Variants in NAV3 observed in about 807,000 individuals in gnomAD.
The protein encoded by NAV3 is neuron navigator 3, also known as pore membrane and/or filament interacting like protein 1.
In NAV3, 87 loss-of-function variants were observed where a neutral mutation model predicts 244.7. That is an observed-to-expected ratio of 0.36 (90% confidence interval 0.30 to 0.42). The LOEUF (loss-of-function observed/expected upper bound fraction) is 0.42, where lower values mean the gene tolerates loss of function less well. Among genes scored for constraint, NAV3 ranks in the 20% least tolerant of loss-of-function variants. NAV3 has a pLI of 1.00. For missense variants in NAV3, 2,663 were observed against 2,893.3 expected, an observed-to-expected ratio of 0.92 and a Z score of 1.83; for synonymous variants, 1,126 against 1,042.2, an observed-to-expected ratio of 1.08 and a Z score of -1.55.
intron 5 of NAV3, among the ~76,000 whole-genome samples, chr12:77,973,591 A>G (rs1373067833): frequency 6.6e-6 from 1 of 152,010 alleles, no homozygotes. Context: ...GACCCCTACC[A>G]CACACATTGC....
intron 2 of NAV3, among the ~76,000 whole-genome samples, chr12:77,657,951 T>C (rs1439834202): frequency 1.3e-5 from 2 of 151,856 alleles, no homozygotes; most frequent in Non-Finnish European, 2.9e-5. Flanking sequence ...ATTGATGGGA[T>C]GTATCTCAAA....
At chr12:77,671,997 A>C (rs114369237) in intron 2 of NAV3, among the ~76,000 whole-genome samples, 4,901 of 152,276 alleles carry the variant, frequency 0.032, 138 homozygotes, top group Middle Eastern at 0.037. Context: ...AATCTTCACA[A>C]TCTATGCCTC....
intron 12 of NAV3, among the ~76,000 whole-genome samples, chr12:78,103,707 C>T (rs920759840): frequency 6.6e-6 from 1 of 152,138 alleles, no homozygotes; most frequent in Admixed American, 6.6e-5. Flanking sequence ...ATGATGGCAG[C>T]AAGAGAAAAT....
chr12:78,020,034 A>G (rs1309806690), intron 8 of NAV3, among the ~76,000 whole-genome samples: 1 of 152,192 alleles, frequency 6.6e-6, no homozygotes, highest in Non-Finnish European at 1.5e-5. Flanking sequence ...AATACAATGA[A>G]TATGATTGAG....
chr12:77,828,701 G>A (rs1282384433), upstream of NAV3, among the ~76,000 whole-genome samples: 2 of 151,988 alleles, frequency 1.3e-5, no homozygotes, highest in Non-Finnish European at 2.9e-5. Flanking sequence ...AGATATTACT[G>A]CAAAAAATTA....
intron 12 of NAV3, among the ~76,000 whole-genome samples, chr12:78,102,870 C>T (rs1212317455): frequency 6.6e-6 from 1 of 152,180 alleles, no homozygotes; most frequent in Non-Finnish European, 1.5e-5. Flanking sequence ...CACCAAGTCT[C>T]TAGGCTGCAC....
intron 1 of NAV3, among the ~76,000 whole-genome samples, chr12:77,902,329 T>A (rs1885397518): frequency 6.6e-6 from 1 of 152,340 alleles, no homozygotes; most frequent in South Asian, 2.1e-4. Context: ...TGTTTTTTAA[T>A]GTTGTGTAAA....
At chr12:77,699,018 C>T (rs1440463395) in intron 2 of NAV3, among the ~76,000 whole-genome samples, 2 of 152,052 alleles carry the variant, frequency 1.3e-5, no homozygotes, top group African/African-American at 4.8e-5. Context: ...AACTATGTAG[C>T]AAACATATAT....
rs775888287 is a variant in NAV3 at position 78,199,140 on chromosome 12, A to G, written c.6519-195A>G. 2.1e-5 allele frequency: 14 copies of G among 657,000 alleles called. No homozygotes were observed. The East Asian group carries it at 4.1e-4, about 19-fold the overall frequency. 40.7% of individuals were successfully genotyped at this position (657,000 alleles called of 1,614,324 possible). ...TCTTTTTAGCTCAAAAAGTAGAGTTAGCTACATTATAGCTCTCATCCTAGT... is the reference window on the plus strand; with the variant it reads ...TCTTTTTAGCTCAAAAAGTAGAGTTGGCTACATTATAGCTCTCATCCTAGT... On this transcript the variant is annotated intron_variant, in intron 36 of 39. Transcript: ENST00000397909.
At chr12:78,097,119 G>A (rs886101453) in intron 12 of NAV3, among the ~76,000 whole-genome samples, 2 of 152,176 alleles carry the variant, frequency 1.3e-5, no homozygotes, top group African/African-American at 4.8e-5. Flanking sequence ...AGCTGGCAGT[G>A]TTTTAGACCT....
At chr12:77,718,376 T>C (rs528098094) in intron 2 of NAV3, among the ~76,000 whole-genome samples, 2 of 152,184 alleles carry the variant, frequency 1.3e-5, no homozygotes, top group Non-Finnish European at 2.9e-5. Flanking sequence ...CAAAGATCAT[T>C]TGACCAATTT....
intron 12 of NAV3, among the ~76,000 whole-genome samples, chr12:78,102,378 T>C (rs181655081): frequency 2.0e-5 from 3 of 152,306 alleles, no homozygotes; most frequent in Admixed American, 2.0e-4. Flanking sequence ...AAGAGATAGG[T>C]TCCCATAATC....
chr12:78,077,266 A>G (rs1360285511), intron 12 of NAV3, among the ~76,000 whole-genome samples: 1 of 152,208 alleles, frequency 6.6e-6, no homozygotes, highest in Non-Finnish European at 1.5e-5. Context: ...CCAAATTTCA[A>G]TAACTAAATT....
chr12:77,750,216 G>T (rs1046497483), intron 2 of NAV3, among the ~76,000 whole-genome samples: 2 of 152,146 alleles, frequency 1.3e-5, no homozygotes, highest in African/African-American at 4.8e-5. Context: ...AGCCAGGCAT[G>T]GTGGTGGGTG....
chr12:77,645,568 AT>A (rs1476575496), intron 2 of NAV3, among the ~76,000 whole-genome samples: 1 of 150,874 alleles, frequency 6.6e-6, no homozygotes, highest in African/African-American at 2.4e-5. Flanking sequence ...AAACTTTCAA[AT>A]CTCTAATTTT....
In NAV3 at chr12:78,178,167, T is replaced by G. The variant is rs1006071451; in HGVS notation, c.5363+482T>G. On this transcript the variant is annotated intron_variant, in intron 28 of 39. Coordinates refer to ENST00000397909, the MANE Select transcript of NAV3 (RefSeq NM_001024383.2). ...TATCTTCCTCAAAATAGTGTTTTTT[T>G]TTTTTTTTTTGAAACAAAGTCTCAC... Among the ~76,000 whole-genome samples the G allele has an allele frequency of 2.6e-5, 4 of 151,446 alleles. No homozygotes were observed. The South Asian group carries it at 6.3e-4, about 24-fold the overall frequency.
At chr12:78,204,907 A>G (rs761229230) in intron 38 of NAV3, 28 bp from the exon 39 acceptor site, 15 of 1,605,532 alleles carry the variant, frequency 9.3e-6, no homozygotes, top group Admixed American at 3.4e-5. Flanking sequence ...CATTTTATAT[A>G]TATCCTAAAC....
At chr12:77,781,545 C>T (rs1366069851) in intron 2 of NAV3, among the ~76,000 whole-genome samples, 2 of 152,128 alleles carry the variant, frequency 1.3e-5, no homozygotes, top group Non-Finnish European at 2.9e-5. Flanking sequence ...CCTTTCCAGA[C>T]AGAACCAATA....
At chr12:78,139,404 T>G (rs1391537824) in intron 19 of NAV3, among the ~76,000 whole-genome samples, 1 of 152,178 alleles carries the variant, frequency 6.6e-6, no homozygotes, top group African/African-American at 2.4e-5. Context: ...TTTTAAATTA[T>G]TATCTTCTCT....
Sources: gnomAD v4.1 joint callset for allele counts (sites outside exome capture counted in the v4.1 genomes callset) on GRCh38, gnomAD v4.1.1 for gene constraint, MANE v1.5 for transcripts, NCBI Gene and HGNC (gene_info 2026-07-23, HGNC 2026-07-21) for gene names.